SVIL: variants seen among roughly 807,000 people sequenced by gnomAD.
SVIL encodes supervillin, also known as archvillin.
In SVIL, 101 loss-of-function variants were observed where a neutral mutation model predicts 240.4. That is an observed-to-expected ratio of 0.42 (90% CI 0.36 to 0.50). SVIL has a LOEUF of 0.50. SVIL is among the 20% of genes least tolerant of loss of function. SVIL has a pLI of 0.01. For synonymous variants in SVIL, 999 were observed against 1,100.0 expected (o/e 0.91, Z 1.82); for missense variants, 2,512 against 2,818.7 (o/e 0.89, Z 2.46).
At chr10:29,705,058 G>A (rs1427175639) in intron 1 of SVIL, among the ~76,000 whole-genome samples, 5 of 152,150 alleles carry the variant, frequency 3.3e-5, no homozygotes, top group African/African-American at 1.2e-4. Flanking sequence ...CTAGGAATGA[G>A]AGCCTCACAA....
chr10:29,527,094 G>A (rs373398326), intron 12 of SVIL, 38 bp from the exon 13 acceptor site: 158 of 1,563,084 alleles, frequency 1.0e-4, no homozygotes, highest in Non-Finnish European at 1.2e-4. Context: ...CATTCATAAG[G>A]AGAGAGAAGA....
intron 7 of SVIL, among the ~76,000 whole-genome samples, chr10:29,534,590 C>A (rs1951610976): frequency 1.3e-5 from 2 of 152,216 alleles, no homozygotes; most frequent in African/African-American, 4.8e-5. Context: ...AACTGACATC[C>A]TTTTCAAAAG....
chr10:29,522,729 C>G, intron 15 of SVIL, 94 bp from the exon 16 acceptor site: 1 of 1,391,436 alleles, frequency 7.2e-7, no homozygotes, highest in Non-Finnish European at 9.8e-7. Context: ...AGGGTTCAAT[C>G]CGTGGGCACA....
chr10:29,641,769 A>T (rs1336272644), intron 3 of SVIL, among the ~76,000 whole-genome samples: 1 of 152,178 alleles, frequency 6.6e-6, no homozygotes, highest in Non-Finnish European at 1.5e-5. Context: ...GCAGTGACTT[A>T]CTTGTGCAGG....
At chr10:29,596,649 C>G (rs544067503) in intron 1 of SVIL, among the ~76,000 whole-genome samples, 1 of 152,230 alleles carries the variant, frequency 6.6e-6, no homozygotes, top group South Asian at 2.1e-4. Flanking sequence ...GACCCCCATC[C>G]CCTCCTGCAC....
intron 1 of SVIL, among the ~76,000 whole-genome samples, chr10:29,594,137 A>C (rs1226481154): frequency 6.6e-6 from 1 of 152,202 alleles, no homozygotes; most frequent in Non-Finnish European, 1.5e-5. Context: ...AAAACTATTT[A>C]AAATGTTATG....
intron 1 of SVIL, among the ~76,000 whole-genome samples, chr10:29,701,161 T>G (rs976303456): frequency 6.6e-6 from 1 of 151,930 alleles, no homozygotes; most frequent in African/African-American, 2.4e-5. Flanking sequence ...CACCCCTCAC[T>G]GCAAAAATAG....
chr10:29,597,068 C>T lies in SVIL; in HGVS notation c.-200-27756G>A, dbSNP rs774871914. Among the ~76,000 whole-genome samples, 7 of 152,150 alleles carry T rather than the reference C, an allele frequency of 4.6e-5. No individual in the cohort carries two copies. The South Asian group carries it at 1.2e-3, about 27-fold the overall frequency. On this transcript the variant is annotated intron_variant, in intron 1 of 37. Transcript: ENST00000355867. ...CATTGCCTCTCTAAAAACGGTAATTCGGCAGCCAGGGAGAGACCGGCTCCT... is the reference window on the plus strand; with the variant it reads ...CATTGCCTCTCTAAAAACGGTAATTTGGCAGCCAGGGAGAGACCGGCTCCT...
At chr10:29,639,233 G>A (rs753038602), upstream of SVIL, among the ~76,000 whole-genome samples, 2 of 151,942 alleles carry the variant, frequency 1.3e-5, no homozygotes, top group South Asian at 2.1e-4. Flanking sequence ...GTGCAGTGGC[G>A]CGATCTTGGC....
intron 13 of SVIL, among the ~76,000 whole-genome samples, chr10:29,525,805 T>A (rs1227832164): frequency 1.3e-5 from 2 of 152,124 alleles, no homozygotes; most frequent in African/African-American, 2.4e-5. Flanking sequence ...GAATCCCCAA[T>A]GCACAGGCTA....
chr10:29,686,816 G>A (rs1257468504), intron 1 of SVIL, among the ~76,000 whole-genome samples: 1 of 152,184 alleles, frequency 6.6e-6, no homozygotes, highest in Admixed American at 6.5e-5. Flanking sequence ...AGCACAGTAG[G>A]ATTTGAAACT....
chr10:29,526,449 C>G (rs990528254), intron 13 of SVIL, among the ~76,000 whole-genome samples: 7 of 151,932 alleles, frequency 4.6e-5, no homozygotes, highest in Non-Finnish European at 4.4e-5. Flanking sequence ...GGATTACTGG[C>G]ACATGCCACC....
chr10:29,731,809 TG>T (rs1374556456), intron 1 of SVIL, among the ~76,000 whole-genome samples: 1 of 152,208 alleles, frequency 6.6e-6, no homozygotes, highest in Non-Finnish European at 1.5e-5. Context: ...TTACCTTCCT[TG>T]TTTACTGAAC....
intron 7 of SVIL, among the ~76,000 whole-genome samples, chr10:29,533,689 G>C (rs542823520): frequency 6.6e-6 from 1 of 152,244 alleles, no homozygotes; most frequent in Non-Finnish European, 1.5e-5. Context: ...CCCTGTAAAA[G>C]CTGGCAGGGG....
At chr10:29,670,493 T>C (rs114163851) in intron 2 of SVIL, among the ~76,000 whole-genome samples, 240 of 152,344 alleles carry the variant, frequency 1.6e-3, no homozygotes, top group African/African-American at 5.3e-3. Flanking sequence ...TACAAAGGCT[T>C]AGTCTGATGG....
At chr10:29,599,359 T>C (rs1374401751) in intron 1 of SVIL, among the ~76,000 whole-genome samples, 1 of 152,120 alleles carries the variant, frequency 6.6e-6, no homozygotes, top group Non-Finnish European at 1.5e-5. Flanking sequence ...CGTGAGAATG[T>C]TGTTTTCTTT....
At chr10:29,717,545 T>C (rs540284791) in intron 1 of SVIL, among the ~76,000 whole-genome samples, 96 of 152,334 alleles carry the variant, frequency 6.3e-4, no homozygotes, top group African/African-American at 2.2e-3. Context: ...ACTTTGTTGA[T>C]ATTGATAAAT....
chr10:29,459,989 G>T (rs1378865307), intron 36 of SVIL, among the ~76,000 whole-genome samples: 1 of 152,130 alleles, frequency 6.6e-6, no homozygotes, highest in Non-Finnish European at 1.5e-5. Context: ...TACTTGGGGT[G>T]GCTGAGGTGG....
At chr10:29,636,214 T>C (rs946994361), upstream of SVIL, among the ~76,000 whole-genome samples, 2 of 152,174 alleles carry the variant, frequency 1.3e-5, no homozygotes, top group African/African-American at 4.8e-5. Flanking sequence ...TTGGACCATA[T>C]TGGCTTTTTC....
Sources: gnomAD v4.1 joint callset for allele counts (sites outside exome capture counted in the v4.1 genomes callset) on GRCh38, gnomAD v4.1.1 for gene constraint, MANE v1.5 for transcripts, NCBI Gene and HGNC (gene_info 2026-07-23, HGNC 2026-07-21) for gene names.